TRPM7: variants seen among roughly 807,000 people sequenced by gnomAD.
The protein encoded by TRPM7 is LTRPC ion channel family member 7.
Under a neutral mutation model 229.7 loss-of-function variants are expected in TRPM7, and 134 were observed. That is an observed-to-expected ratio of 0.58 (90% confidence interval 0.51 to 0.67). TRPM7 has a LOEUF of 0.67. Ranked by LOEUF, TRPM7 falls within the 30% of genes least tolerant of loss-of-function variation. The probability of loss-of-function intolerance (pLI) is 0.00; values close to 1 mark genes in which losing one functional copy is unlikely to be tolerated. For missense variants in TRPM7, 1,901 were observed against 2,210.0 expected (o/e 0.86, Z 2.80); for synonymous variants, 699 against 715.2 (o/e 0.98, Z 0.36).
intron 1 of TRPM7, among the ~76,000 whole-genome samples, chr15:50,679,957 C>T (rs966820386): frequency 2.0e-5 from 3 of 151,900 alleles, no homozygotes; most frequent in Non-Finnish European, 4.4e-5. Context: ...AATGCATGAC[C>T]GGGCGGTGGC....
intron 12 of TRPM7, 48 bp from the exon 13 acceptor site, chr15:50,619,846 A>C: frequency 6.7e-7 from 1 of 1,487,170 alleles, no homozygotes; most frequent in Non-Finnish European, 9.2e-7. Context: ...CTTCTAAACT[A>C]ATTTAAACCT....
intron 1 of TRPM7, among the ~76,000 whole-genome samples, chr15:50,666,496 G>A (rs2061884804): frequency 2.6e-5 from 4 of 151,748 alleles, no homozygotes; most frequent in South Asian, 2.1e-4. Flanking sequence ...AGAAGAAAAC[G>A]AAGAGGAAGA....
chr15:50,591,443 T>C lies in TRPM7; in HGVS notation c.4324+468A>G, dbSNP rs28516801. 3.9e-3 allele frequency among the ~76,000 whole-genome samples: 596 copies of C among 152,050 alleles called. 8 individuals are homozygous for C. Among genetic ancestry groups the C allele is most frequent in the African/African-American group, 0.014 (578 of 41,480 alleles). ...TTCCATCAAAGAGGTTATGTGCCAA[T>C]ATAACTCTTATAGCCTAATTCAGTC... On this transcript the variant is annotated intron_variant, in intron 26 of 38. Transcript: ENST00000646667.
rs141213321 is a variant in TRPM7, at chr15:50,632,742, T to A, written c.1131+127A>T. On this transcript the variant is annotated intron_variant, in intron 9 of 38. Coordinates refer to ENST00000646667, the MANE Select transcript of TRPM7 (RefSeq NM_017672.6). Reference sequence around the variant, plus strand: ...CAGACCAATAAATGACATATTTTTATGGTTAATAAAGATTTCAAAGTTTAA... The same window carrying A: ...CAGACCAATAAATGACATATTTTTAAGGTTAATAAAGATTTCAAAGTTTAA... 3,118 of 894,376 alleles carry A rather than the reference T, an allele frequency of 3.5e-3. 16 individuals are homozygous for A. The highest frequency in any genetic ancestry group is 4.1e-3 in the Non-Finnish European group (2,574 of 633,868). The allele number at this position is 894,376 out of a possible 1,614,324, so 55.4% of individuals were successfully genotyped here. A position where few individuals can be genotyped will look rare whatever the true frequency, so the allele number is the denominator to read the frequency against.
At chr15:50,579,646 TA>T (rs1171681366) in intron 30 of TRPM7, among the ~76,000 whole-genome samples, 2 of 152,306 alleles carry the variant, frequency 1.3e-5, no homozygotes, top group African/African-American at 2.4e-5. Context: ...GCTTTGGTTA[TA>T]AAAGAAAATA....
At chr15:50,664,338 T>A (rs1474476225) in intron 1 of TRPM7, among the ~76,000 whole-genome samples, 2 of 148,436 alleles carry the variant, frequency 1.3e-5, no homozygotes, top group African/African-American at 2.5e-5. Context: ...AGTGATAGAT[T>A]GATAAAAAAT....
intron 28 of TRPM7, among the ~76,000 whole-genome samples, chr15:50,585,050 A>ATT (rs755433337): frequency 0.34 from 31,983 of 94,684 alleles, 6,312 homozygotes; most frequent in East Asian, 0.45. Flanking sequence ...TAATTTTTGT[A>ATT]TTTTTTTTTT....
rs1006298479 is a variant in TRPM7 at position 50,570,600 on chromosome 15, T to G, written c.5309-445A>C. ...GCTCACGCCTGTAATCCCAGCACTT[T>G]GGGCGGCCAAGGCGGATGGATCACC... On this transcript the variant is annotated intron_variant, in intron 36 of 38. Coordinates refer to ENST00000646667, the MANE Select transcript of TRPM7 (RefSeq NM_017672.6). 4.0e-5 allele frequency among the ~76,000 whole-genome samples: 6 copies of G among 150,436 alleles called. No individual in the cohort carries two copies. The Admixed American group carries it at 4.0e-4, about 10-fold the overall frequency.
At chr15:50,619,714 C>T (rs1224635673) in intron 13 of TRPM7, 31 bp downstream of exon 13, 1 of 1,515,032 alleles carries the variant, frequency 6.6e-7, no homozygotes, top group Non-Finnish European at 8.9e-7. Context: ...TTTAAAATAA[C>T]ATTTTTCAAA....
intron 12 of TRPM7, among the ~76,000 whole-genome samples, chr15:50,621,842 C>T (rs937208120): frequency 6.6e-6 from 1 of 151,994 alleles, no homozygotes; most frequent in Non-Finnish European, 1.5e-5. Context: ...CCAACCTGGC[C>T]AACACGGTGA....
At chr15:50,561,891 G>C (rs1362638557) in intron 38 of TRPM7, 83 bp from the exon 39 acceptor site, 1 of 1,330,056 alleles carries the variant, frequency 7.5e-7, no homozygotes, top group Admixed American at 2.9e-5. Flanking sequence ...TGGAGAATTA[G>C]GAACCTTTTA....
intron 29 of TRPM7, 94 bp from the exon 30 acceptor site, chr15:50,581,002 A>G: frequency 7.6e-7 from 1 of 1,310,808 alleles, no homozygotes; most frequent in Non-Finnish European, 1.0e-6. Flanking sequence ...TTATATTTTA[A>G]GAATGAAAGG....
intron 13 of TRPM7, among the ~76,000 whole-genome samples, chr15:50,616,697 T>C (rs1051695723): frequency 1.5e-5 from 2 of 134,280 alleles, no homozygotes; most frequent in African/African-American, 5.5e-5. Context: ...TTTTTTTTTT[T>C]AGACAAAGGG....
intron 38 of TRPM7, among the ~76,000 whole-genome samples, chr15:50,568,357 T>C (rs2053712872): frequency 6.6e-6 from 1 of 151,866 alleles, no homozygotes; most frequent in Non-Finnish European, 1.5e-5. Context: ...ACTGTCTTTA[T>C]TGTCTATACA....
chr15:50,588,365 C>G, intron 27 of TRPM7: 1 of 192,022 alleles, frequency 5.2e-6, no homozygotes. Context: ...AATTAAATAC[C>G]AAGTTATCAA....
chr15:50,681,079 C>T (rs35148930), intron 1 of TRPM7, among the ~76,000 whole-genome samples: 11,818 of 152,016 alleles, frequency 0.078, 569 homozygotes, highest in South Asian at 0.12. Flanking sequence ...GGTGAAACTC[C>T]GTCTCTACCA....
At chr15:50,610,682 G>A (rs2060042065) in intron 17 of TRPM7, among the ~76,000 whole-genome samples, 2 of 151,504 alleles carry the variant, frequency 1.3e-5, no homozygotes, top group African/African-American at 2.4e-5. Context: ...ATCTATAATG[G>A]GTATATCAAT....
At chr15:50,673,224 T>C (rs962148105) in intron 1 of TRPM7, among the ~76,000 whole-genome samples, 12 of 152,286 alleles carry the variant, frequency 7.9e-5, no homozygotes, top group African/African-American at 2.6e-4. Flanking sequence ...ACAAGCTCCA[T>C]TCACAGTAAA....
At chr15:50,665,094 CAT>C (rs1356074694) in intron 1 of TRPM7, among the ~76,000 whole-genome samples, 13 of 152,306 alleles carry the variant, frequency 8.5e-5, no homozygotes, top group Admixed American at 5.2e-4. Context: ...CTCAAGCACA[CAT>C]GAGGCATTTA....
Sources: allele counts gnomAD v4.1 joint callset (sites outside exome capture counted in the v4.1 genomes callset), GRCh38; gene constraint gnomAD v4.1.1; transcripts MANE v1.5; gene names NCBI Gene and HGNC (gene_info 2026-07-23, HGNC 2026-07-21).